The following PEX5L variants were observed in gnomAD, a reference collection of about 807,000 sequenced individuals.
The protein encoded by PEX5L is PEX5-related protein.
PEX5L carries 30 observed loss-of-function variants against 84.0 expected under a neutral mutation model. That is an observed-to-expected ratio of 0.36 (90% CI 0.27 to 0.48). The LOEUF (loss-of-function observed/expected upper bound fraction) is 0.48, where lower values mean the gene tolerates loss of function less well. Among genes scored for constraint, PEX5L ranks in the 20% least tolerant of loss-of-function variants. PEX5L has a pLI of 0.99. For synonymous variants in PEX5L, 270 were observed against 283.1 expected, an observed-to-expected ratio of 0.95 and a Z score of 0.46; for missense variants, 533 against 754.6, an observed-to-expected ratio of 0.71 and a Z score of 3.44.
chr3:179,798,870 C>T lies in PEX5L; in HGVS notation c.*2958G>A, dbSNP rs753155691. 6 of 152,088 alleles carry T rather than the reference C, an allele frequency of 3.9e-5. No individual in the cohort carries two copies. Among genetic ancestry groups the T allele is most frequent in the Non-Finnish European group, 7.4e-5 (5 of 68,008 alleles). 9.4% of individuals were successfully genotyped at this position (152,088 alleles called of 1,614,324 possible). A position where few individuals can be genotyped will look rare whatever the true frequency, so the allele number is the denominator to read the frequency against. ...ATATGATTTATACAAAAAGACTGTT[C>T]TAAAGTCTTGCTACTGATTTCTTGG... On this transcript the variant is annotated 3_prime_UTR_variant, in exon 15 of 15. Coordinates refer to ENST00000467460, the MANE Select transcript of PEX5L (RefSeq NM_016559.3).
intron 1 of PEX5L, among the ~76,000 whole-genome samples, chr3:179,977,122 A>G (rs1785878160): frequency 6.6e-6 from 1 of 152,194 alleles, no homozygotes; most frequent in African/African-American, 2.4e-5. Flanking sequence ...GCTTTTCTTT[A>G]TACTTGGGAG....
intron 2 of PEX5L, chr3:179,921,900 T>C (rs1429370941): frequency 6.6e-6 from 1 of 152,214 alleles, no homozygotes. Context: ...TCTCAAGCAA[T>C]GTGTGTTTTC....
intron 1 of PEX5L, among the ~76,000 whole-genome samples, chr3:180,000,012 C>T (rs993299602): frequency 2.6e-5 from 4 of 152,130 alleles, no homozygotes; most frequent in African/African-American, 7.2e-5. Context: ...TTCCCACAGC[C>T]AGGAGTCACG....
chr3:179,868,048 T>TC (rs1560458484), intron 7 of PEX5L, among the ~76,000 whole-genome samples: 2 of 63,418 alleles, frequency 3.2e-5, no homozygotes, highest in Admixed American at 1.8e-4. Context: ...TCTTCTTTTT[T>TC]TTTTTTTTTT....
chr3:179,985,695 T>C (rs1786749371), intron 1 of PEX5L, among the ~76,000 whole-genome samples: 2 of 152,102 alleles, frequency 1.3e-5, no homozygotes, highest in African/African-American at 4.8e-5. Flanking sequence ...GTTTGGGTCC[T>C]GTTAGCTTCA....
chr3:179,928,772 C>A (rs540968306), intron 2 of PEX5L, among the ~76,000 whole-genome samples: 341 of 152,338 alleles, frequency 2.2e-3, no homozygotes, highest in Non-Finnish European at 4.1e-3. Flanking sequence ...GGCTTATACT[C>A]ATTCCATTTT....
rs1380337327 is a variant in PEX5L, at chr3:179,859,156, G to A, written c.728C>T (p.Ala243Val). The A allele has an allele frequency of 6.2e-7, 1 of 1,608,594 alleles. No homozygotes were observed. Among genetic ancestry groups the A allele is most frequent in the Non-Finnish European group, 8.5e-7 (1 of 1,174,966 alleles). Reference sequence around the variant, plus strand: ...CCAGCGATGTTCTTTGGTCAGTCGAGCCTGAAATCAATCATACACATAGTG... The same window carrying A: ...CCAGCGATGTTCTTTGGTCAGTCGAACCTGAAATCAATCATACACATAGTG... ...SELELVAPTQ[A>V]RLTKEHRWGS... The change falls in exon 8 of 15, where the codon GCT (alanine) becomes GTT (valine). Residue 243 changes from alanine (A) to valine (V), a missense_variant and splice_region_variant. Ala to Val is a moderately conservative substitution (Grantham distance 64). Around this residue, in one of 8 missense-constraint regions of PEX5L, gnomAD observed 259 missense variants for 301.7 expected, o/e 0.86. Coordinates refer to ENST00000467460, the MANE Select transcript of PEX5L (RefSeq NM_016559.3).
intron 2 of PEX5L, among the ~76,000 whole-genome samples, chr3:179,942,526 C>G: frequency 6.6e-6 from 1 of 152,348 alleles, no homozygotes; most frequent in African/African-American, 2.4e-5. Context: ...CACTCGGAGG[C>G]GCGGAATCTC....
At chr3:179,956,046 C>T (rs768848531) in intron 2 of PEX5L, among the ~76,000 whole-genome samples, 3 of 152,200 alleles carry the variant, frequency 2.0e-5, no homozygotes, top group Non-Finnish European at 4.4e-5. Flanking sequence ...GGAAGTAATC[C>T]TCTCGAGTGG....
intron 2 of PEX5L, among the ~76,000 whole-genome samples, chr3:179,903,402 A>T (rs765847128): frequency 2.2e-4 from 34 of 151,802 alleles, no homozygotes; most frequent in South Asian, 8.3e-4. Context: ...ATTTAAAAAA[A>T]TTTTTTTCTT....
chr3:179,993,526 G>C (rs932514419), intron 1 of PEX5L, among the ~76,000 whole-genome samples: 1 of 151,904 alleles, frequency 6.6e-6, no homozygotes, highest in African/African-American at 2.4e-5. Context: ...TCAAGATGGG[G>C]TCTCACTCTG....
chr3:179,992,365 G>A (rs1406529371), intron 1 of PEX5L, among the ~76,000 whole-genome samples: 3 of 152,126 alleles, frequency 2.0e-5, no homozygotes, highest in Non-Finnish European at 2.9e-5. Context: ...TTTACTTAAC[G>A]TCACACAACT....
chr3:180,025,193 C>T (rs1480323482), intron 1 of PEX5L, among the ~76,000 whole-genome samples: 2 of 152,134 alleles, frequency 1.3e-5, no homozygotes, highest in Non-Finnish European at 2.9e-5. Context: ...GTTTCCACAG[C>T]TCATGGGAAT....
intron 2 of PEX5L, among the ~76,000 whole-genome samples, chr3:179,957,946 C>T (rs28414068): frequency 0.015 from 2,333 of 152,190 alleles, 74 homozygotes; most frequent in African/African-American, 0.054. Context: ...CTCTTTTTTG[C>T]AGCTTTGCTT....
chr3:179,905,332 G>A (rs1762784321), intron 2 of PEX5L, among the ~76,000 whole-genome samples: 1 of 151,744 alleles, frequency 6.6e-6, no homozygotes, highest in South Asian at 2.1e-4. Flanking sequence ...GAGTGCAGTG[G>A]CGCGATCTTG....
chr3:179,828,202 A>G (rs1483052823), intron 8 of PEX5L, among the ~76,000 whole-genome samples: 1 of 152,202 alleles, frequency 6.6e-6, no homozygotes, highest in Admixed American at 6.5e-5. Flanking sequence ...TGTATTCGGA[A>G]CTGAGCCCAG....
At chr3:179,941,002 T>A (rs145264799) in intron 2 of PEX5L, among the ~76,000 whole-genome samples, 1 of 152,128 alleles carries the variant, frequency 6.6e-6, no homozygotes, top group Non-Finnish European at 1.5e-5. Flanking sequence ...GTAGAAAAGA[T>A]GAATAAGATA....
intron 2 of PEX5L, among the ~76,000 whole-genome samples, chr3:179,932,357 T>C (rs1298948043): frequency 6.6e-6 from 1 of 152,196 alleles, no homozygotes; most frequent in Non-Finnish European, 1.5e-5. Context: ...GAACTGCTTT[T>C]TATTTTGCTG....
chr3:179,974,119 C>G, intron 1 of PEX5L: 1 of 985,622 alleles, frequency 1.0e-6, no homozygotes, highest in Non-Finnish European at 1.2e-6. Context: ...CTCCCTCCTC[C>G]CAGCCGGGAA....
Sources: allele counts gnomAD v4.1 joint callset (sites outside exome capture counted in the v4.1 genomes callset), GRCh38; gene constraint gnomAD v4.1.1; regional missense constraint gnomAD v4.1.1; transcripts MANE v1.5; gene names NCBI Gene and HGNC (gene_info 2026-07-23, HGNC 2026-07-21).